ADGRV1: variants seen among roughly 807,000 people sequenced by gnomAD.
ADGRV1 encodes G-protein coupled receptor 98.
A neutral mutation model predicts 596.2 loss-of-function variants in ADGRV1; 359 were observed. The ratio of observed to expected loss-of-function variants is 0.60; its 90% CI spans 0.55 to 0.66. ADGRV1 has a LOEUF of 0.66. Ranked by LOEUF, ADGRV1 falls within the 30% of genes least tolerant of loss-of-function variation. The probability of loss-of-function intolerance (pLI) is 0.00; values close to 1 mark genes in which losing one functional copy is unlikely to be tolerated. For synonymous variants in ADGRV1, 2,681 were observed against 2,679.2 expected, an observed-to-expected ratio of 1.00 and a Z score of -0.02; for missense variants, 7,274 against 7,575.6, an observed-to-expected ratio of 0.96 and a Z score of 1.48.
intron 68 of ADGRV1, among the ~76,000 whole-genome samples, chr5:90,788,849 T>TGCACACAGACAC (rs1759757861): frequency 7.0e-6 from 1 of 143,792 alleles, no homozygotes; most frequent in Non-Finnish European, 1.5e-5. Flanking sequence ...AGGACAGACA[T>TGCACACAGACAC]GCACACAGAC....
rs140216244 is a variant in ADGRV1, at chr5:91,110,439, C to A, written c.18432+8099C>A. Reference sequence around the variant, plus strand: ...GTGCAGCGCTAGACCTGCAGCCATTCTGATTGGGCAATGCTTATGCCACAC... The same window carrying A: ...GTGCAGCGCTAGACCTGCAGCCATTATGATTGGGCAATGCTTATGCCACAC... On this transcript the variant is annotated intron_variant, in intron 87 of 89. Coordinates refer to ENST00000405460, the MANE Select transcript of ADGRV1 (RefSeq NM_032119.4). Among the ~76,000 whole-genome samples the A allele has an allele frequency of 1.9e-3, 282 of 152,298 alleles. 2 individuals are homozygous for A. Among genetic ancestry groups the A allele is most frequent in the African/African-American group, 6.6e-3 (273 of 41,570 alleles).
intron 83 of ADGRV1, among the ~76,000 whole-genome samples, chr5:90,919,825 T>C (rs535421310): frequency 1.3e-5 from 2 of 151,764 alleles, no homozygotes; most frequent in African/African-American, 4.8e-5. Flanking sequence ...AGAAACCCCA[T>C]CTCTACTAAA....
intron 85 of ADGRV1, among the ~76,000 whole-genome samples, chr5:91,012,816 A>G (rs182054618): frequency 1.1e-3 from 170 of 152,000 alleles, no homozygotes; most frequent in African/African-American, 4.0e-3. Context: ...TTTACATATT[A>G]TTTCAAGTAT....
chr5:90,991,469 G>A (rs539609478), intron 85 of ADGRV1, among the ~76,000 whole-genome samples: 3 of 152,136 alleles, frequency 2.0e-5, no homozygotes, highest in South Asian at 2.1e-4. Context: ...TTAATTTGTA[G>A]AGACAAGGTC....
intron 87 of ADGRV1, among the ~76,000 whole-genome samples, chr5:91,134,386 A>G (rs757694066): frequency 6.6e-6 from 1 of 151,942 alleles, no homozygotes; most frequent in African/African-American, 2.4e-5. Context: ...ACAGGGTTTC[A>G]CCATGTTGCC....
intron 1 of ADGRV1, among the ~76,000 whole-genome samples, chr5:90,610,139 C>G (rs1356357491): frequency 1.3e-5 from 2 of 151,670 alleles, no homozygotes; most frequent in Admixed American, 1.3e-4. Flanking sequence ...CCTAAGGTGC[C>G]CATCATTTAT....
At position 90,937,911 on chromosome 5, in the gene ADGRV1, C is replaced by T. The variant is rs372861371; in HGVS notation, c.17857-27504C>T. Among the ~76,000 whole-genome samples, 116 of 152,040 alleles carry T rather than the reference C, an allele frequency of 7.6e-4. No homozygotes were observed. The South Asian group carries it at 0.016, about 21-fold the overall frequency. ...TCATTGTTAGCATATTCTTTTAATA[C>T]CTTTGTCAGATTGTTTCATAAAGTT... is the stretch of plus-strand genomic sequence containing the variant. On this transcript the variant is annotated intron_variant, in intron 83 of 89. Transcript: ENST00000405460.
rs925190952 is a variant in ADGRV1 at position 91,130,383 on chromosome 5, T to C, written c.18433-19647T>C. ...CCTGTCTCTACTAAAAATATAAAAA[T>C]TAGCCGGGCGTGGTGGTGGGCAGCT... On this transcript the variant is annotated intron_variant, in intron 87 of 89. Coordinates refer to ENST00000405460, the MANE Select transcript of ADGRV1 (RefSeq NM_032119.4). Among the ~76,000 whole-genome samples, 19 of 151,628 alleles carry C rather than the reference T, an allele frequency of 1.3e-4. No homozygotes were observed. In the Middle Eastern group the frequency reaches 0.01, roughly 81 times the overall value.
intron 83 of ADGRV1, among the ~76,000 whole-genome samples, chr5:90,866,139 C>T (rs2438344): frequency 0.61 from 91,923 of 151,866 alleles, 28,214 homozygotes; most frequent in East Asian, 0.83. Flanking sequence ...CTAAGTAGAA[C>T]GGCTTTTGTG....
At chr5:90,869,311 A>G (rs571633966) in intron 83 of ADGRV1, among the ~76,000 whole-genome samples, 1 of 152,190 alleles carries the variant, frequency 6.6e-6, no homozygotes, top group Non-Finnish European at 1.5e-5. Context: ...CTTTCACTTG[A>G]GTAAGGCTTG....
At chr5:90,790,271 T>A (rs1341990192) in intron 69 of ADGRV1, among the ~76,000 whole-genome samples, 2 of 152,220 alleles carry the variant, frequency 1.3e-5, no homozygotes, top group Admixed American at 1.3e-4. Flanking sequence ...ATAGAATGTT[T>A]GGGGATGCCC....
At chr5:90,708,942 T>C in intron 39 of ADGRV1, 33 bp downstream of exon 39, 1 of 1,401,514 alleles carries the variant, frequency 7.1e-7, no homozygotes, top group Non-Finnish European at 1.0e-6. Flanking sequence ...TTCTTTTTGC[T>C]CACTTCAAAT....
At chr5:90,730,041 T>C (rs1477852286) in intron 50 of ADGRV1, among the ~76,000 whole-genome samples, 2 of 152,160 alleles carry the variant, frequency 1.3e-5, no homozygotes, top group Non-Finnish European at 2.9e-5. Context: ...AATTTTTTTG[T>C]ATTTTTAGTA....
intron 89 of ADGRV1, among the ~76,000 whole-genome samples, chr5:91,158,327 T>C (rs777842981): frequency 6.6e-6 from 1 of 152,246 alleles, no homozygotes; most frequent in Non-Finnish European, 1.5e-5. Flanking sequence ...AGCTATAGCA[T>C]CATTCATAAT....
At chr5:90,873,912 T>C (rs1333608243) in intron 83 of ADGRV1, among the ~76,000 whole-genome samples, 1 of 152,224 alleles carries the variant, frequency 6.6e-6, no homozygotes, top group Non-Finnish European at 1.5e-5. Flanking sequence ...GTCACCATTA[T>C]CTTGCTCACC....
At chr5:90,849,548 C>T (rs1766271628) in intron 79 of ADGRV1, among the ~76,000 whole-genome samples, 1 of 152,058 alleles carries the variant, frequency 6.6e-6, no homozygotes, top group Non-Finnish European at 1.5e-5. Context: ...CACCACCACA[C>T]CTGGCTTATT....
At chr5:91,088,697 C>A (rs747014197) in intron 86 of ADGRV1, among the ~76,000 whole-genome samples, 16 of 152,032 alleles carry the variant, frequency 1.1e-4, no homozygotes, top group Non-Finnish European at 1.8e-4. Flanking sequence ...GCTCTAATAT[C>A]TACCATATAT....
At chr5:90,895,913 G>A (rs1771265130) in intron 83 of ADGRV1, among the ~76,000 whole-genome samples, 1 of 152,046 alleles carries the variant, frequency 6.6e-6, no homozygotes, top group South Asian at 2.1e-4. Flanking sequence ...TTTATGAACA[G>A]TTGGCCTGAA....
At chr5:90,814,256 G>A (rs942400944) in intron 74 of ADGRV1, among the ~76,000 whole-genome samples, 6 of 152,138 alleles carry the variant, frequency 3.9e-5, no homozygotes, top group South Asian at 2.1e-4. Flanking sequence ...CTAATAAAGG[G>A]GCTCCACATT....
Sources: allele counts gnomAD v4.1 joint callset (sites outside exome capture counted in the v4.1 genomes callset), GRCh38; gene constraint gnomAD v4.1.1; transcripts MANE v1.5; gene names NCBI Gene and HGNC (gene_info 2026-07-23, HGNC 2026-07-21).